Variants in RBFOX3 observed in about 807,000 individuals in gnomAD.
RBFOX3 encodes the protein RNA binding fox-1 homolog 3, also known as RNA binding protein fox-1 homolog 3.
A neutral mutation model predicts 48.7 loss-of-function variants in RBFOX3; 17 were observed. That is an observed-to-expected ratio of 0.35 (90% CI 0.24 to 0.52). The LOEUF is 0.52. Among genes scored for constraint, RBFOX3 ranks in the 20% least tolerant of loss-of-function variants. RBFOX3 has a pLI of 0.94. For synonymous variants in RBFOX3, 212 were observed against 209.5 expected, an observed-to-expected ratio of 1.01 and a Z score of -0.10; for missense variants, 382 against 497.5, an observed-to-expected ratio of 0.77 and a Z score of 2.21.
At chr17:79,101,485 A>C in intron 9 of RBFOX3, 99 bp downstream of exon 9, 53 of 1,028,694 alleles carry the variant, frequency 5.2e-5, no homozygotes, top group Non-Finnish European at 7.4e-5. Flanking sequence ...GAGGCTGCCT[A>C]GGATCCAGGA....
At chr17:79,309,609 GC>G (rs1374987107) in intron 2 of RBFOX3, among the ~76,000 whole-genome samples, 1 of 152,156 alleles carries the variant, frequency 6.6e-6, no homozygotes, top group Non-Finnish European at 1.5e-5. Flanking sequence ...TCTACTCATG[GC>G]CTGTCGCATC....
At chr17:79,247,786 C>T (rs920968008) in intron 3 of RBFOX3, among the ~76,000 whole-genome samples, 5 of 152,166 alleles carry the variant, frequency 3.3e-5, no homozygotes, top group Non-Finnish European at 7.3e-5. Context: ...TTAGATCTGG[C>T]GGTTGATCCA....
At chr17:79,187,357 G>A (rs113574924) in intron 4 of RBFOX3, among the ~76,000 whole-genome samples, 4,779 of 152,328 alleles carry the variant, frequency 0.031, 103 homozygotes, top group Non-Finnish European at 0.046. Context: ...CCTGCGCCGT[G>A]AGGACAGTGT....
At chr17:79,610,056 G>A (rs1483435324) in intron 1 of RBFOX3, among the ~76,000 whole-genome samples, 2 of 151,942 alleles carry the variant, frequency 1.3e-5, no homozygotes, top group Non-Finnish European at 2.9e-5. Flanking sequence ...CCTTCCTATC[G>A]TGCTTGGGGA....
intron 2 of RBFOX3, among the ~76,000 whole-genome samples, chr17:79,333,022 G>C (rs1428509306): frequency 1.3e-5 from 2 of 151,694 alleles, no homozygotes; most frequent in African/African-American, 4.8e-5. Flanking sequence ...GAGAGAGATG[G>C]GGTGGGGGAG....
intron 4 of RBFOX3, among the ~76,000 whole-genome samples, chr17:79,162,534 A>G (rs1047137151): frequency 2.0e-5 from 3 of 152,394 alleles, no homozygotes; most frequent in Non-Finnish European, 4.4e-5. Flanking sequence ...TCCTCTAATT[A>G]CATATTCAGC....
At chr17:79,656,038 C>T in the RBFOX3 span, among the ~76,000 whole-genome samples, 2 of 152,278 alleles carry the variant, frequency 1.3e-5, no homozygotes, top group East Asian at 3.9e-4. Context: ...CTGGGCTCCC[C>T]GTCCCTGCCT....
rs1381093690 is a variant in RBFOX3 at position 79,362,490 on chromosome 17, G to A, written c.-174-54666C>T. Among the ~76,000 whole-genome samples, 6 of 152,236 alleles carry A rather than the reference G, an allele frequency of 3.9e-5. No individual in the cohort carries two copies. Among genetic ancestry groups the A allele is most frequent in the Non-Finnish European group, 8.8e-5 (6 of 68,034 alleles). ...TGGAAGGCCACCTGCGCTGGGCCTG[G>A]ATGGCACTAGGCTGAGGGGAGCAGG... On this transcript the variant is annotated intron_variant, in intron 2 of 14. Transcript: ENST00000693108. The surrounding 1 kb of genome is among the most constrained non-coding windows in gnomAD (Gnocchi z 4.2).
chr17:79,314,713 C>T (rs753065278), intron 2 of RBFOX3, among the ~76,000 whole-genome samples: 2 of 152,180 alleles, frequency 1.3e-5, no homozygotes, highest in African/African-American at 2.4e-5. Context: ...CAGGAAGAGG[C>T]CATGCATGTG....
rs149587168 is a variant in RBFOX3 at position 79,340,866 on chromosome 17, C to T, written c.-174-33042G>A. 1.1e-4 allele frequency among the ~76,000 whole-genome samples: 16 copies of T among 152,278 alleles called. No individual in the cohort carries two copies. In the East Asian group the frequency reaches 2.9e-3, roughly 28 times the overall value. ...GGTGTATTTATAAACAACTGTGGTA[C>T]TTGAATCAGAAAAAATGCCCCCAAA... On this transcript the variant is annotated intron_variant, in intron 2 of 14. Transcript: ENST00000693108.
chr17:79,093,723 G>A (rs369132473), intron 14 of RBFOX3, among the ~76,000 whole-genome samples: 4 of 151,994 alleles, frequency 2.6e-5, no homozygotes, highest in African/African-American at 9.7e-5. Flanking sequence ...AGTGGGTACA[G>A]GAGGCAGGTG....
intron 1 of RBFOX3, among the ~76,000 whole-genome samples, chr17:79,530,561 C>T (rs2150076145): frequency 6.6e-6 from 1 of 152,242 alleles, no homozygotes; most frequent in East Asian, 1.9e-4. Flanking sequence ...AAGAGGCAGC[C>T]CAGCCCTGCA....
rs910182124 is a variant in RBFOX3 at position 79,488,358 on chromosome 17, C to G, written c.-319-5760G>C. ...GGCGGAGCCCCCCATTTCACTACCC[C>G]CTCCCCGGGGCCTACTGACAGCAGC... On this transcript the variant is annotated intron_variant, in intron 1 of 14. Transcript: ENST00000693108. 8.1e-3 allele frequency among the ~76,000 whole-genome samples: 164 copies of G among 20,248 alleles called. 2 individuals carry two copies. In the East Asian group the frequency reaches 0.22, roughly 28 times the overall value. The allele number at this position is 20,248 out of a possible 152,430, so 13.3% of individuals were successfully genotyped here.
intron 3 of RBFOX3, among the ~76,000 whole-genome samples, chr17:79,307,029 C>G (rs1484918023): frequency 4.6e-5 from 7 of 152,264 alleles, no homozygotes; most frequent in African/African-American, 1.7e-4. Context: ...GAGGGAAACT[C>G]AGCCAAGGCT....
chr17:79,453,846 C>T (rs1045842823), intron 2 of RBFOX3, among the ~76,000 whole-genome samples: 38 of 152,228 alleles, frequency 2.5e-4, no homozygotes, highest in African/African-American at 8.7e-4. Flanking sequence ...ATGAGGGAGG[C>T]TCTCGAAACA....
chr17:79,542,919 C>A (rs1340242348), intron 1 of RBFOX3, among the ~76,000 whole-genome samples: 1 of 152,090 alleles, frequency 6.6e-6, no homozygotes, highest in African/African-American at 2.4e-5. Context: ...GTTTTACATG[C>A]TTTGTCCATG....
intron 3 of RBFOX3, among the ~76,000 whole-genome samples, chr17:79,304,901 G>A (rs1600526230): frequency 6.6e-6 from 1 of 152,266 alleles, no homozygotes; most frequent in East Asian, 1.9e-4. Context: ...ACACCTGCTC[G>A]TGTCTGTGGG....
intron 3 of RBFOX3, among the ~76,000 whole-genome samples, chr17:79,257,082 T>C (rs944036609): frequency 1.3e-5 from 2 of 152,124 alleles, no homozygotes; most frequent in Non-Finnish European, 2.9e-5. Context: ...TCCCCTCCAG[T>C]ATGAGGTTCG....
In RBFOX3 at chr17:79,477,375, T is replaced by C. The variant is rs1334157229; in HGVS notation, c.-175+5079A>G. Among the ~76,000 whole-genome samples the C allele has an allele frequency of 1.4e-5, 2 of 148,088 alleles. No individual in the cohort carries two copies. Among genetic ancestry groups the C allele is most frequent in the East Asian group, 2.0e-4 (1 of 5,032 alleles). On this transcript the variant is annotated intron_variant, in intron 2 of 14. Transcript: ENST00000693108. The surrounding 1 kb of genome is among the most constrained non-coding windows in gnomAD (Gnocchi z 4.8). ...ATCGAGATCATCCTGGCTAACACGGTGAAACCCCGTCTCTACTAAAAATAC... is the reference window on the plus strand; with the variant it reads ...ATCGAGATCATCCTGGCTAACACGGCGAAACCCCGTCTCTACTAAAAATAC...
Sources: gnomAD v4.1 joint callset for allele counts (sites outside exome capture counted in the v4.1 genomes callset) on GRCh38, gnomAD v4.1.1 for gene constraint, Gnocchi (gnomAD v3.1) non-coding constraint, MANE v1.5 for transcripts, NCBI Gene and HGNC (gene_info 2026-07-23, HGNC 2026-07-21) for gene names.